The following GPAM variants were observed in gnomAD, a reference collection of about 807,000 sequenced individuals.
GPAM encodes the protein glycerol-3-phosphate acyltransferase, mitochondrial.
GPAM carries 56 observed loss-of-function variants against 105.0 expected under a neutral mutation model. The observed-to-expected ratio is 0.53, with a 90% CI of 0.43 to 0.67. The LOEUF is 0.67. GPAM is among the 30% of genes least tolerant of loss of function. The pLI is 0.00. For missense variants in GPAM, 855 were observed against 989.8 expected (o/e 0.86, Z 1.83); for synonymous variants, 368 against 354.4 (o/e 1.04, Z -0.43).
At chr10:112,217,102 T>A (rs1351721003), upstream of GPAM, among the ~76,000 whole-genome samples, 2 of 152,150 alleles carry the variant, frequency 1.3e-5, no homozygotes, top group Non-Finnish European at 2.9e-5. Flanking sequence ...GCAGAATGAA[T>A]TTTAGAACAT....
intron 10 of GPAM, 42 bp downstream of exon 10, chr10:112,168,811 A>G: frequency 8.1e-7 from 1 of 1,240,418 alleles, no homozygotes; most frequent in Non-Finnish European, 1.2e-6. Flanking sequence ...CACTGTGATA[A>G]CCAACACAAT....
rs558288703 is a variant in GPAM at position 112,154,431 on chromosome 10, A to C, written c.2370+198T>G. ...AGTAAAATTCCAGAACATTCAAATA[A>C]ATCTACACTGATGGGCTTCACCTTC... On this transcript the variant is annotated intron_variant, in intron 21 of 21. Coordinates refer to ENST00000348367, the MANE Select transcript of GPAM (RefSeq NM_001244949.2). 1.5e-3 allele frequency: 901 copies of C among 607,042 alleles called. 4 individuals are homozygous for C. The highest frequency in any genetic ancestry group is 5.7e-3 in the South Asian group (290 of 50,784). The allele number at this position is 607,042 out of a possible 1,614,324, so 37.6% of individuals were successfully genotyped here.
intron 9 of GPAM, among the ~76,000 whole-genome samples, chr10:112,170,918 T>C (rs925345263): frequency 6.6e-6 from 1 of 152,198 alleles, no homozygotes; most frequent in Non-Finnish European, 1.5e-5. Context: ...TACAGAACTC[T>C]GAAAGCCTAT....
intron 14 of GPAM, among the ~76,000 whole-genome samples, chr10:112,162,358 A>C (rs993928359): frequency 6.6e-6 from 1 of 152,194 alleles, no homozygotes; most frequent in African/African-American, 2.4e-5. Flanking sequence ...CTGGCCCGGC[A>C]CAGGAGCCAC....
At chr10:112,218,339 A>G (rs2419605), upstream of GPAM, among the ~76,000 whole-genome samples, 32,258 of 152,114 alleles carry the variant, frequency 0.21, 4,001 homozygotes, top group East Asian at 0.34. Context: ...AGGAGAGAAA[A>G]CAGAGCGACT....
At chr10:112,213,509 G>A (rs1847935602) in intron 1 of GPAM, among the ~76,000 whole-genome samples, 1 of 152,172 alleles carries the variant, frequency 6.6e-6, no homozygotes, top group Non-Finnish European at 1.5e-5. Flanking sequence ...CTGGCTGAGA[G>A]TTATAAAGGC....
intron 1 of GPAM, among the ~76,000 whole-genome samples, chr10:112,194,543 G>T (rs1349080051): frequency 1.3e-5 from 2 of 152,170 alleles, no homozygotes; most frequent in Non-Finnish European, 2.9e-5. Flanking sequence ...ATGGTTTGTG[G>T]AGCTGAGATA....
At chr10:112,202,076 G>A (rs1028076696) in intron 1 of GPAM, among the ~76,000 whole-genome samples, 1 of 152,126 alleles carries the variant, frequency 6.6e-6, no homozygotes, top group African/African-American at 2.4e-5. Flanking sequence ...GACTTGATTT[G>A]AACCCAGATG....
exon 1 of GPAM, chr10:112,215,210 C>G (rs1277539038): frequency 6.6e-6 from 1 of 152,196 alleles, no homozygotes; most frequent in African/African-American, 2.4e-5. Flanking sequence ...TATTTCCAAT[C>G]AGTCGATTAG....
chr10:112,173,763 C>T lies in GPAM; in HGVS notation c.496G>A (p.Val166Met). The change falls in exon 7 of 22, where the codon GTG becomes ATG. Residue 166 changes from valine (V) to methionine (M), a missense_variant. Coordinates refer to ENST00000348367, the MANE Select transcript of GPAM (RefSeq NM_001244949.2). ...AQQQSKAVNK[V>M]KKKAKRILQE... ...AGAATCCTTTTAGCTTTCTTTTTCA[C>T]TTTGTTAACGGCTTTTGATTGCTGC... is the stretch of plus-strand genomic sequence containing the variant. 6.2e-7 allele frequency: 1 copy of T among 1,613,850 alleles called. No homozygotes were observed. Among genetic ancestry groups the T allele is most frequent in the South Asian group, 1.1e-5 (1 of 91,070 alleles).
chr10:112,190,455 G>A (rs1295153110), intron 1 of GPAM, among the ~76,000 whole-genome samples: 1 of 149,960 alleles, frequency 6.7e-6, no homozygotes, highest in East Asian at 2.0e-4. Flanking sequence ...AGCCAAGATT[G>A]TGCCACTGCA....
chr10:112,182,174 A>T (rs900684280), intron 2 of GPAM, among the ~76,000 whole-genome samples: 3 of 152,258 alleles, frequency 2.0e-5, no homozygotes, highest in Non-Finnish European at 2.9e-5. Flanking sequence ...GTATCCAAAC[A>T]AAATAGCTAT....
rs1279716166 is a variant in GPAM, at chr10:112,156,259, C to T, written c.2122-206G>A. ...TTTCAAACACATTCTTTATTGTAATCATTCACTTTTTTATGGTATTTGAGG... is the reference window on the plus strand; with the variant it reads ...TTTCAAACACATTCTTTATTGTAATTATTCACTTTTTTATGGTATTTGAGG... On this transcript the variant is annotated intron_variant, in intron 19 of 21. Coordinates refer to ENST00000348367, the MANE Select transcript of GPAM (RefSeq NM_001244949.2). 115 of 593,312 alleles carry T rather than the reference C, an allele frequency of 1.9e-4. No individual in the cohort carries two copies. The East Asian group carries it at 3.3e-3, about 17-fold the overall frequency. The allele number at this position is 593,312 out of a possible 1,614,324, so 36.8% of individuals were successfully genotyped here.
chr10:112,177,535 G>T lies in GPAM; in HGVS notation c.299+449C>A, dbSNP rs187966256. On this transcript the variant is annotated intron_variant, in intron 5 of 21. Coordinates refer to ENST00000348367, the MANE Select transcript of GPAM (RefSeq NM_001244949.2). ...AGAAATTGTAAGAACTCTAAGTAAA[G>T]TCTTGGGTAAATAGTAACTCAAACA... is the stretch of plus-strand genomic sequence containing the variant. Among the ~76,000 whole-genome samples the T allele has an allele frequency of 2.5e-3, 376 of 152,250 alleles. 5 individuals are homozygous for T. In the South Asian group the frequency reaches 0.025, roughly 10 times the overall value.
chr10:112,219,395 G>C (rs1847999489), upstream of GPAM, among the ~76,000 whole-genome samples: 1 of 152,202 alleles, frequency 6.6e-6, no homozygotes, highest in Non-Finnish European at 1.5e-5. Context: ...GGACAGCAGG[G>C]ATGTGGAAGT....
At chr10:112,178,720 A>G (rs1250481804) in intron 4 of GPAM, among the ~76,000 whole-genome samples, 1 of 152,182 alleles carries the variant, frequency 6.6e-6, no homozygotes, top group Non-Finnish European at 1.5e-5. Context: ...GCTAAGTACC[A>G]TGCAGTTATT....
the GPAM span, among the ~76,000 whole-genome samples, chr10:112,221,077 T>C: frequency 6.6e-6 from 1 of 152,118 alleles, no homozygotes; most frequent in Non-Finnish European, 1.5e-5. Flanking sequence ...GTAGTCTCAG[T>C]GTGGTCAAAT....
intron 1 of GPAM, among the ~76,000 whole-genome samples, chr10:112,208,835 TAG>T (rs560657811): frequency 4.1e-4 from 62 of 152,318 alleles, no homozygotes; most frequent in African/African-American, 1.5e-3. Flanking sequence ...GCAGGAAGGA[TAG>T]ACTCTCAAAA....
chr10:112,194,159 G>T (rs747980016), intron 1 of GPAM, among the ~76,000 whole-genome samples: 7 of 152,208 alleles, frequency 4.6e-5, no homozygotes, highest in Non-Finnish European at 7.3e-5. Flanking sequence ...CTTCGTGTTT[G>T]CCAAGGCTGG....
Sources: allele counts gnomAD v4.1 joint callset (sites outside exome capture counted in the v4.1 genomes callset), GRCh38; gene constraint gnomAD v4.1.1; transcripts MANE v1.5; gene names NCBI Gene and HGNC (gene_info 2026-07-23, HGNC 2026-07-21).